The following SUCLG2 variants were observed in gnomAD, a reference collection of about 807,000 sequenced individuals.
The protein encoded by SUCLG2 is succinate--CoA ligase [GDP-forming] subunit beta, mitochondrial.
In SUCLG2, 42 loss-of-function variants were observed where a neutral mutation model predicts 47.9. The ratio of observed to expected loss-of-function variants is 0.88; its 90% CI spans 0.69 to 1.14. SUCLG2 has a LOEUF of 1.14. Among genes scored for constraint, SUCLG2 ranks in the 50% most tolerant of loss-of-function variants. The probability of loss-of-function intolerance (pLI) is 0.00; values close to 1 mark genes in which losing one functional copy is unlikely to be tolerated. For synonymous variants in SUCLG2, 195 were observed against 197.3 expected (o/e 0.99, Z 0.10); for missense variants, 571 against 525.9 (o/e 1.09, Z -0.84).
intron 2 of SUCLG2, among the ~76,000 whole-genome samples, chr3:67,559,280 C>G (rs1469260531): frequency 6.6e-6 from 1 of 152,108 alleles, no homozygotes. Flanking sequence ...AGTCTGTTTT[C>G]ACAATGCTAT....
chr3:67,408,183 G>C (rs1474632506), intron 9 of SUCLG2, among the ~76,000 whole-genome samples: 1 of 152,036 alleles, frequency 6.6e-6, no homozygotes, highest in African/African-American at 2.4e-5. Flanking sequence ...GTATATTCTT[G>C]GAGTTTGAAA....
At chr3:67,528,665 T>C (rs771243861) in intron 3 of SUCLG2, among the ~76,000 whole-genome samples, 5 of 152,130 alleles carry the variant, frequency 3.3e-5, no homozygotes, top group African/African-American at 4.8e-5. Context: ...TGCTAGGAGA[T>C]GCAGGAGATG....
chr3:67,557,649 T>C (rs1559571033), intron 2 of SUCLG2, among the ~76,000 whole-genome samples: 1 of 152,214 alleles, frequency 6.6e-6, no homozygotes, highest in Non-Finnish European at 1.5e-5. Flanking sequence ...TTTAAATATA[T>C]AGAGCTGTAT....
intron 10 of SUCLG2, among the ~76,000 whole-genome samples, chr3:67,363,585 C>T (rs1311587208): frequency 6.6e-6 from 1 of 152,128 alleles, no homozygotes; most frequent in East Asian, 1.9e-4. Flanking sequence ...TCTATCTAGG[C>T]ATTGAAAAAT....
At position 67,573,861 on chromosome 3, in the gene SUCLG2, G is replaced by A. The variant is rs373898781; in HGVS notation, c.226+35594C>T. The stretch of plus-strand genomic sequence containing the variant: ...CGAGCCTGAATTTTTGTGGCTGTGG[G>A]ACAAAGAGCCCCATCTTTAGCTGAA... On this transcript the variant is annotated intron_variant, in intron 2 of 10. Transcript: ENST00000307227. Among the ~76,000 whole-genome samples the A allele has an allele frequency of 4.3e-4, 65 of 152,184 alleles. No homozygotes were observed. In the East Asian group the frequency reaches 0.011, roughly 27 times the overall value.
intron 9 of SUCLG2, among the ~76,000 whole-genome samples, chr3:67,411,559 T>C (rs1425912308): frequency 6.6e-6 from 1 of 152,170 alleles, no homozygotes; most frequent in African/African-American, 2.4e-5. Context: ...CTATTTCTTA[T>C]AGACTAAAAT....
chr3:67,541,025 C>T (rs750836503), intron 2 of SUCLG2, among the ~76,000 whole-genome samples: 2 of 152,190 alleles, frequency 1.3e-5, no homozygotes, highest in African/African-American at 2.4e-5. Flanking sequence ...ACAACAGGGA[C>T]ATCCACTCAG....
intron 10 of SUCLG2, among the ~76,000 whole-genome samples, chr3:67,378,115 C>T (rs1702073985): frequency 6.6e-6 from 1 of 152,192 alleles, no homozygotes; most frequent in Non-Finnish European, 1.5e-5. Context: ...TCTGTTGTTA[C>T]AGGAGCTAGC....
intron 2 of SUCLG2, among the ~76,000 whole-genome samples, chr3:67,570,089 C>T (rs1323883286): frequency 1.3e-5 from 2 of 152,084 alleles, no homozygotes; most frequent in Non-Finnish European, 1.5e-5. Flanking sequence ...ACATCAGGGA[C>T]AGGAGTGCCC....
intron 2 of SUCLG2, among the ~76,000 whole-genome samples, chr3:67,547,235 G>C (rs1007993821): frequency 1.3e-4 from 20 of 152,264 alleles, no homozygotes; most frequent in African/African-American, 4.3e-4. Context: ...GGAGAAAGCA[G>C]GCTCGCCTCA....
intron 1 of SUCLG2, among the ~76,000 whole-genome samples, chr3:67,652,628 T>C (rs1701307474): frequency 6.6e-6 from 1 of 152,248 alleles, no homozygotes; most frequent in African/African-American, 2.4e-5. Context: ...ACTTGGATGT[T>C]ATATAGTTAC....
intron 9 of SUCLG2, among the ~76,000 whole-genome samples, chr3:67,491,778 A>G (rs1195504596): frequency 2.6e-5 from 4 of 152,214 alleles, no homozygotes; most frequent in African/African-American, 9.7e-5. Context: ...TAATAAGTTT[A>G]TTAAATTTTT....
chr3:67,390,763 C>T (rs1702362164), intron 10 of SUCLG2, among the ~76,000 whole-genome samples: 1 of 152,160 alleles, frequency 6.6e-6, no homozygotes, highest in African/African-American at 2.4e-5. Flanking sequence ...TTATTGACAG[C>T]TCTATACAGT....
intron 2 of SUCLG2, among the ~76,000 whole-genome samples, chr3:67,590,540 G>C (rs1043102162): frequency 6.6e-6 from 1 of 152,098 alleles, no homozygotes; most frequent in African/African-American, 2.4e-5. Flanking sequence ...GTGTTTAAAA[G>C]ACTATGGCAC....
At chr3:67,514,967 TC>T (rs1193266849) in intron 6 of SUCLG2, among the ~76,000 whole-genome samples, 2 of 152,172 alleles carry the variant, frequency 1.3e-5, no homozygotes, top group African/African-American at 4.8e-5. Flanking sequence ...TGATCCAGGA[TC>T]ATCCAAAGTA....
intron 9 of SUCLG2, among the ~76,000 whole-genome samples, chr3:67,439,299 C>T (rs1216371073): frequency 6.6e-6 from 1 of 152,146 alleles, no homozygotes; most frequent in Non-Finnish European, 1.5e-5. Flanking sequence ...TGGGCAAAAG[C>T]TGGAAGTATT....
intron 1 of SUCLG2, among the ~76,000 whole-genome samples, chr3:67,620,992 A>G (rs543621064): frequency 2.0e-5 from 3 of 152,240 alleles, no homozygotes; most frequent in Non-Finnish European, 4.4e-5. Flanking sequence ...AATAAAACCA[A>G]TTGGGAGAGA....
In SUCLG2 at chr3:67,498,200, T is replaced by C. The variant is rs760274511; in HGVS notation, c.853A>G (p.Ile285Val). Residue 285 changes from isoleucine to valine, a missense_variant, in exon 8 of 11, where the codon ATT (isoleucine) becomes GTT (valine). By Grantham distance (29) the Ile-to-Val change is conservative. Transcript: ENST00000307227. ...AMDDKSENEP[I>V]ENEAAKYDLK... The stretch of plus-strand genomic sequence containing the variant: ...TCATATTTGGCAGCTTCATTTTCAA[T>C]GGGCTCATTCTCTGATTTGTCGTCC... 1.2e-6 allele frequency: 2 copies of C among 1,613,874 alleles called. No individual in the cohort carries two copies. The highest frequency in any genetic ancestry group is 2.2e-5 in the South Asian group (2 of 91,062).
chr3:67,375,327 T>C lies in SUCLG2; in HGVS notation c.*417A>G, dbSNP rs1702013205. 1 of 977,472 alleles carries C rather than the reference T, an allele frequency of 1.0e-6. No individual in the cohort carries two copies. Among genetic ancestry groups the C allele is most frequent in the African/African-American group, 1.8e-5 (1 of 57,068 alleles). The allele number at this position is 977,472 out of a possible 1,614,324, so 60.5% of individuals were successfully genotyped here. A position where few individuals can be genotyped will look rare whatever the true frequency, so the allele number is the denominator to read the frequency against. On this transcript the variant is annotated 3_prime_UTR_variant, in exon 11 of 11. Coordinates refer to ENST00000307227, the MANE Select transcript of SUCLG2 (RefSeq NM_003848.4). ...TATGCCTTTTTAGTAATTAATATATTAAATATAATCTTGTCTGAGTTTTTA... is the reference window on the plus strand; with the variant it reads ...TATGCCTTTTTAGTAATTAATATATCAAATATAATCTTGTCTGAGTTTTTA...
Sources: gnomAD v4.1 joint callset for allele counts (sites outside exome capture counted in the v4.1 genomes callset) on GRCh38, gnomAD v4.1.1 for gene constraint, MANE v1.5 for transcripts, NCBI Gene and HGNC (gene_info 2026-07-23, HGNC 2026-07-21) for gene names.